RAPGEF2: variants seen among roughly 807,000 people sequenced by gnomAD.
RAPGEF2 encodes the protein Rap guanine nucleotide exchange factor 2.
Under a neutral mutation model 186.7 loss-of-function variants are expected in RAPGEF2, and 54 were observed. That is an observed-to-expected ratio of 0.29 (90% CI 0.23 to 0.36). The LOEUF (loss-of-function observed/expected upper bound fraction) is 0.36. Among genes scored for constraint, RAPGEF2 ranks in the 10% least tolerant of loss-of-function variants. RAPGEF2 has a pLI of 1.00. For synonymous variants in RAPGEF2, 712 were observed against 705.9 expected (o/e 1.01, Z -0.14); for missense variants, 1,532 against 2,045.0 (o/e 0.75, Z 4.84).
At chr4:159,331,562 G>T (rs1444037357) in intron 14 of RAPGEF2, 24 bp downstream of exon 14, 1 of 1,610,524 alleles carries the variant, frequency 6.2e-7, no homozygotes, top group Admixed American at 1.7e-5. Flanking sequence ...TTTTTTTTAA[G>T]ATCAGCTTAA....
intron 1 of RAPGEF2, among the ~76,000 whole-genome samples, chr4:159,141,040 C>G (rs1177837965): frequency 3.3e-5 from 5 of 151,976 alleles, no homozygotes; most frequent in Non-Finnish European, 7.4e-5. Flanking sequence ...TTCAAGTGAT[C>G]CACCCACCTC....
At chr4:159,317,130 A>T (rs1764700124) in intron 9 of RAPGEF2, among the ~76,000 whole-genome samples, 1 of 152,222 alleles carries the variant, frequency 6.6e-6, no homozygotes, top group African/African-American at 2.4e-5. Context: ...TGTATGAGGA[A>T]AAACTTTCAC....
intron 1 of RAPGEF2, among the ~76,000 whole-genome samples, chr4:159,108,448 CA>C (rs1333407453): frequency 1.6e-5 from 2 of 126,908 alleles, no homozygotes; most frequent in Non-Finnish European, 3.3e-5. Context: ...CAAGAAGGAA[CA>C]TAAAATAAAA....
At chr4:159,322,274 T>G in intron 9 of RAPGEF2, 73 bp from the exon 10 acceptor site, 1 of 1,450,760 alleles carries the variant, frequency 6.9e-7, no homozygotes, top group Non-Finnish European at 9.5e-7. Flanking sequence ...GAAAGGACCC[T>G]AAAACATTCT....
intron 4 of RAPGEF2, among the ~76,000 whole-genome samples, chr4:159,223,415 G>A (rs1751724128): frequency 6.6e-6 from 1 of 152,056 alleles, no homozygotes; most frequent in Admixed American, 6.5e-5. Context: ...ACTAGAAATT[G>A]CTTAGAATGT....
chr4:159,204,542 A>G (rs1749768294), intron 3 of RAPGEF2, among the ~76,000 whole-genome samples: 1 of 152,202 alleles, frequency 6.6e-6, no homozygotes, highest in African/African-American at 2.4e-5. Context: ...TGATTGCCCC[A>G]GAGGCTTTCT....
intron 4 of RAPGEF2, among the ~76,000 whole-genome samples, chr4:159,224,546 G>A (rs1360110939): frequency 6.6e-6 from 1 of 152,148 alleles, no homozygotes; most frequent in Non-Finnish European, 1.5e-5. Context: ...GCCTGGCTTA[G>A]GATGGGCAAA....
chr4:159,279,286 T>G (rs1447260226), intron 7 of RAPGEF2, among the ~76,000 whole-genome samples: 1 of 152,232 alleles, frequency 6.6e-6, no homozygotes, highest in Non-Finnish European at 1.5e-5. Flanking sequence ...CAGGTTTTTC[T>G]TGTACGTGCA....
chr4:159,251,882 G>A (rs950462413), intron 7 of RAPGEF2, among the ~76,000 whole-genome samples: 4 of 151,692 alleles, frequency 2.6e-5, no homozygotes, highest in Non-Finnish European at 5.9e-5. Flanking sequence ...CGTTTCCACA[G>A]CGTGGAGTAA....
intron 1 of RAPGEF2, among the ~76,000 whole-genome samples, chr4:159,136,132 C>T (rs779130717): frequency 6.6e-6 from 1 of 152,142 alleles, no homozygotes; most frequent in Non-Finnish European, 1.5e-5. Flanking sequence ...TCCAGGTGTA[C>T]GATATTGCAT....
rs968608932 is a variant in RAPGEF2, at chr4:159,103,161, C to T, written c.-1002C>T. ...GAGGGGAATCGCCGCTTCCCAAACA[C>T]TCTCTCCGAGGGGGCTGTGCGCGGC... On this transcript the variant is annotated 5_prime_UTR_variant, in exon 1 of 30. Coordinates refer to ENST00000691494, the MANE Select transcript of RAPGEF2 (RefSeq NM_001394067.2). 2 of 151,976 alleles carry T rather than the reference C, an allele frequency of 1.3e-5. No individual in the cohort carries two copies. The highest frequency in any genetic ancestry group is 2.9e-5 in the Non-Finnish European group (2 of 68,078). The allele number at this position is 151,976 out of a possible 1,614,324, so 9.4% of individuals were successfully genotyped here.
At chr4:159,183,454 C>A (rs1341332320) in intron 1 of RAPGEF2, among the ~76,000 whole-genome samples, 1 of 152,150 alleles carries the variant, frequency 6.6e-6, no homozygotes, top group Non-Finnish European at 1.5e-5. Context: ...TAAAACCATA[C>A]AACTTTTAGA....
intron 1 of RAPGEF2, among the ~76,000 whole-genome samples, chr4:159,154,895 C>A (rs1051254011): frequency 6.6e-6 from 1 of 152,096 alleles, no homozygotes; most frequent in African/African-American, 2.4e-5. Context: ...TGAGGATAAT[C>A]CGTGTACCAT....
chr4:159,268,182 C>T, intron 7 of RAPGEF2: 3 of 1,612,264 alleles, frequency 1.9e-6, no homozygotes. Context: ...TCCCAGCTAA[C>T]CATGGAGTTA....
chr4:159,297,735 G>A (rs1762194946), intron 7 of RAPGEF2, among the ~76,000 whole-genome samples: 1 of 152,130 alleles, frequency 6.6e-6, no homozygotes, highest in Admixed American at 6.5e-5. Flanking sequence ...CGTTTCCACC[G>A]AATTTGAAAA....
chr4:159,181,380 C>T (rs1746991419), intron 1 of RAPGEF2, among the ~76,000 whole-genome samples: 1 of 152,116 alleles, frequency 6.6e-6, no homozygotes, highest in Admixed American at 6.5e-5. Context: ...TTTCCAGATA[C>T]ACTTTTCTGG....
intron 3 of RAPGEF2, among the ~76,000 whole-genome samples, chr4:159,195,893 T>G (rs1748601226): frequency 6.8e-6 from 1 of 147,956 alleles, no homozygotes; most frequent in Non-Finnish European, 1.5e-5. Flanking sequence ...TTTTTTTTTT[T>G]TTTTTTTTTT....
chr4:159,343,097 A>C lies in RAPGEF2; in HGVS notation c.3037A>C (p.Lys1013Gln), dbSNP rs1221514066. Reference sequence around the variant, plus strand: ...GTTTGATCCTTCCAGAAACATGGCAAAATATCGTAATGTTCTCAATAGTCA... The same window carrying C: ...GTTTGATCCTTCCAGAAACATGGCACAATATCGTAATGTTCTCAATAGTCA... The part of the protein sequence containing the change: ...DLFDPSRNMA[K>Q]YRNVLNSQNL... Residue 1013 changes from lysine to glutamine, a missense_variant, in exon 21 of 30, where the codon AAA (lysine) becomes CAA (glutamine). By Grantham distance (53) the Lys-to-Gln change is moderately conservative. Around this residue, in one of 4 missense-constraint regions of RAPGEF2, gnomAD observed 11 missense variants for 45.2 expected, o/e 0.24. Coordinates refer to ENST00000691494, the MANE Select transcript of RAPGEF2 (RefSeq NM_001394067.2). 6.2e-7 allele frequency: 1 copy of C among 1,613,996 alleles called. No homozygotes were observed. The highest frequency in any genetic ancestry group is 1.3e-5 in the African/African-American group (1 of 74,936).
intron 1 of RAPGEF2, among the ~76,000 whole-genome samples, chr4:159,109,458 C>T (rs943901202): frequency 3.9e-5 from 6 of 152,150 alleles, no homozygotes; most frequent in Non-Finnish European, 5.9e-5. Flanking sequence ...ATTTCCTCGT[C>T]GGTAAAATGG....
Sources: allele counts gnomAD v4.1 joint callset (sites outside exome capture counted in the v4.1 genomes callset), GRCh38; gene constraint gnomAD v4.1.1; regional missense constraint gnomAD v4.1.1; transcripts MANE v1.5; gene names NCBI Gene and HGNC (gene_info 2026-07-23, HGNC 2026-07-21).